The following UBR4 variants were observed in gnomAD, a reference collection of about 807,000 sequenced individuals.
UBR4 encodes the protein ubiquitin protein ligase E3 component n-recognin 4, also known as E3 ubiquitin-protein ligase UBR4.
A neutral mutation model predicts 575.6 loss-of-function variants in UBR4; 124 were observed. The observed-to-expected ratio is 0.22, with a 90% CI of 0.19 to 0.25. UBR4 has a LOEUF of 0.25. UBR4 is among the 10% of genes least tolerant of loss of function. The pLI, the probability that UBR4 is intolerant of heterozygous loss-of-function variation, is 1.00. For missense variants in UBR4, 4,818 were observed against 6,478.8 expected, an observed-to-expected ratio of 0.74 and a Z score of 8.80; for synonymous variants, 2,455 against 2,473.7, an observed-to-expected ratio of 0.99 and a Z score of 0.22.
In UBR4 at chr1:19,110,845, A is replaced by G. The variant is rs748123166; in HGVS notation, c.11802-13T>C. The G allele has an allele frequency of 3.1e-6, 5 of 1,612,356 alleles. No individual in the cohort carries two copies. The highest frequency in any genetic ancestry group is 4.2e-6 in the Non-Finnish European group (5 of 1,178,902). Reference sequence around the variant, plus strand: ...TTCTGGGTTGTCTCTGCAGAAGCAAATAGAAATGGAGTCCTATAATTCACA... The same window carrying G: ...TTCTGGGTTGTCTCTGCAGAAGCAAGTAGAAATGGAGTCCTATAATTCACA... On this transcript the variant is annotated splice_polypyrimidine_tract_variant and intron_variant, in intron 78 of 105. Coordinates refer to ENST00000375254, the MANE Select transcript of UBR4 (RefSeq NM_020765.3). This position sits in a 1 kb window ranked among gnomAD's most constrained non-coding sequence, Gnocchi z 4.5.
intron 18 of UBR4, among the ~76,000 whole-genome samples, chr1:19,178,071 C>A (rs929133541): frequency 6.6e-5 from 10 of 152,140 alleles, no homozygotes; most frequent in Non-Finnish European, 1.5e-4. Flanking sequence ...CAAGCTCCCC[C>A]ACAAAAATGT....
rs763512389 is a variant in UBR4 at position 19,139,093 on chromosome 1, G to A, written c.8721C>T (p.Gly2907=). The stretch of plus-strand genomic sequence containing the variant: ...GCCATGGCACATTACCACTGTGCTC[G>A]CCAGCCACTGAGTCCACTGCACTGC... ...SGGSAVDSVA[G]EHSVSGRSSA... is the part of the protein sequence containing the mutation. Residue 2907 remains glycine, a synonymous_variant, in exon 59 of 106, where the codon GGC becomes GGT. Coordinates refer to ENST00000375254, the MANE Select transcript of UBR4 (RefSeq NM_020765.3). The surrounding 1 kb of genome is among the most constrained non-coding windows in gnomAD (Gnocchi z 4.2). The A allele has an allele frequency of 5.0e-6, 8 of 1,610,538 alleles. No individual in the cohort carries two copies. Among genetic ancestry groups the A allele is most frequent in the Non-Finnish European group, 5.1e-6 (6 of 1,178,660 alleles).
At chr1:19,195,993 C>T (rs887531650) in intron 8 of UBR4, among the ~76,000 whole-genome samples, 2 of 151,066 alleles carry the variant, frequency 1.3e-5, no homozygotes, top group African/African-American at 4.9e-5. Context: ...CACACACACA[C>T]ACACACACAC....
Position 19,128,271 on chromosome 1 carries a change from G to A in UBR4, c.9051C>T (p.Asp3017=), listed in dbSNP as rs370436607. Residue 3017 remains aspartate, a synonymous_variant, in exon 62 of 106, where the codon GAC becomes GAT. Transcript: ENST00000375254. ...TTDLDGEDEK[D]KGALDNLLSQ... ...AGAGCAGGTTGTCTAGGGCCCCCTT[G>A]TCTTTCTCATCTTCTCCATCCAGAT... The A allele has an allele frequency of 6.2e-6, 10 of 1,613,900 alleles. No homozygotes were observed. Among genetic ancestry groups the A allele is most frequent in the African/African-American group, 1.3e-5 (1 of 74,906 alleles).
Position 19,198,488 on chromosome 1 carries a change from T to G in UBR4, c.648+53A>C. The stretch of plus-strand genomic sequence containing the variant: ...TACATCACTTTTTCTCCCCTAGTGT[T>G]ATCATCTTAACAAAACCCACAGAGA... On this transcript the variant is annotated intron_variant, in intron 5 of 105. Coordinates refer to ENST00000375254, the MANE Select transcript of UBR4 (RefSeq NM_020765.3). 5 of 1,584,242 alleles carry G rather than the reference T, an allele frequency of 3.2e-6. No homozygotes were observed. The East Asian group carries it at 1.1e-4, about 36-fold the overall frequency.
Position 19,145,842 on chromosome 1 carries a change from G to C in UBR4, c.7896C>G (p.Leu2632=). ...ITQLVNHFWK[L]HASKPKNAFL... ...AGGCATTCTTGGGTTTGGATGCATG[G>C]AGTTTCCAGAAGTGGTTCACAAGCT... Residue 2632 remains leucine (L), a synonymous_variant, in exon 53 of 106, where the codon CTC becomes CTG. Transcript: ENST00000375254. 2 of 1,614,200 alleles carry C rather than the reference G, an allele frequency of 1.2e-6. No homozygotes were observed. Among genetic ancestry groups the C allele is most frequent in the Non-Finnish European group, 1.7e-6 (2 of 1,180,016 alleles).
chr1:19,106,475 G>A, intron 83 of UBR4, 94 bp downstream of exon 83: 2 of 1,404,636 alleles, frequency 1.4e-6, no homozygotes, highest in Non-Finnish European at 9.4e-7. Flanking sequence ...AAGAAGAGAT[G>A]GCAGTGCAGA....
Position 19,074,841 on chromosome 1 carries a change from T to TCAG in UBR4, c.15542_15543insCTG (p.Ser5181_Val5182insTer), listed in dbSNP as rs1234606213. 1 of 1,614,116 alleles carries TCAG rather than the reference T, an allele frequency of 6.2e-7. No homozygotes were observed. Among genetic ancestry groups the TCAG allele is most frequent in the South Asian group, 1.1e-5 (1 of 91,058 alleles). On this transcript the variant is annotated stop_gained and inframe_insertion, in exon 106 of 106. Coordinates refer to ENST00000375254, the MANE Select transcript of UBR4 (RefSeq NM_020765.3). LOFTEE classifies it high-confidence loss of function. ...AGCTGCTGTGTGGTGGTCAGGGGAC[T>TCAG]GAGTTCAACAGGTCCTTCAGGAAGC... is the stretch of plus-strand genomic sequence containing the variant.
Position 19,117,309 on chromosome 1 carries a change from C to T in UBR4, c.10735G>A (p.Gly3579Arg). Residue 3579 changes from glycine to arginine, a missense_variant, in exon 73 of 106, where the codon GGG becomes AGG. Physicochemically the swap from Gly to Arg is moderately radical, Grantham distance 125. This residue lies in a region of UBR4 where 550 missense variants were observed against 791.5 expected (regional missense o/e 0.69). Transcript: ENST00000375254. This position sits in a 1 kb window ranked among gnomAD's most constrained non-coding sequence, Gnocchi z 4.0. ...ACCATCTTGGTCCGTTTCAGATCCC[C>T]GATTTTCACTGTCACTTTGCTGATG... ...HTISKVTVKI[G>R]DLKRTKMVRT... The T allele has an allele frequency of 6.2e-7, 1 of 1,614,156 alleles. No homozygotes were observed. The highest frequency in any genetic ancestry group is 8.5e-7 in the Non-Finnish European group (1 of 1,180,032).
At position 19,205,471 on chromosome 1, in the gene UBR4, C is replaced by T. The variant is rs574588881; in HGVS notation, c.177-3656G>A. On this transcript the variant is annotated intron_variant, in intron 1 of 105. Coordinates refer to ENST00000375254, the MANE Select transcript of UBR4 (RefSeq NM_020765.3). ...TATATAGAATCCATTATGCTTATTC[C>T]TATCTTTCTATCTATAATCTGCTGC... Among the ~76,000 whole-genome samples the T allele has an allele frequency of 5.9e-4, 90 of 152,208 alleles. 1 individual carries two copies. The highest frequency in any genetic ancestry group is 2.0e-3 in the African/African-American group (85 of 41,528).
At chr1:19,125,322 C>T (rs938471534) in intron 64 of UBR4, among the ~76,000 whole-genome samples, 1 of 152,230 alleles carries the variant, frequency 6.6e-6, no homozygotes, top group African/African-American at 2.4e-5. Flanking sequence ...CTGTATCAAG[C>T]ACTGGAGTTG....
rs2092757242 is a variant in UBR4 at position 19,201,800 on chromosome 1, C to T, written c.192G>A (p.Leu64=). 1 of 1,613,812 alleles carries T rather than the reference C, an allele frequency of 6.2e-7. No individual in the cohort carries two copies. The highest frequency in any genetic ancestry group is 8.5e-7 in the Non-Finnish European group (1 of 1,179,870). The change falls in exon 2 of 106, where the codon CTG becomes CTA. Residue 64 remains leucine (L), a synonymous_variant. Transcript: ENST00000375254. ...ATGGCTCGTACTGCTTCTCATGGTG[C>T]AGGATTTCTGATTCACTGTAAAAAT... ...ASVIESESEI[L]HHEKQYEPFY... is the part of the protein sequence containing the mutation.
intron 90 of UBR4, among the ~76,000 whole-genome samples, chr1:19,098,607 A>T (rs1023880944): frequency 6.6e-6 from 1 of 152,160 alleles, no homozygotes; most frequent in Non-Finnish European, 1.5e-5. Flanking sequence ...ACTGGCTGGG[A>T]CAGTTCTCTG....
At chr1:19,137,157 G>A (rs745768056) in intron 60 of UBR4, among the ~76,000 whole-genome samples, 4 of 151,914 alleles carry the variant, frequency 2.6e-5, no homozygotes, top group South Asian at 2.1e-4. Flanking sequence ...AAAATTGGCC[G>A]GGCGTGGTAC....
chr1:19,210,120 G>T lies in UBR4; in HGVS notation c.129C>A (p.Ala43=). The T allele has an allele frequency of 1.3e-6, 2 of 1,586,464 alleles. No homozygotes were observed. The highest frequency in any genetic ancestry group is 1.1e-5 in the South Asian group (1 of 88,340). ...GCTGCGGCAACTCCTTCATCTCGAA[G>T]GCGGAGTAGGACGCGGACAGCAGGG... ...VRPLLSASYS[A]FEMKELPQLV... The change falls in exon 1 of 106, where the codon GCC becomes GCA. Residue 43 remains alanine (A), a synonymous_variant. Coordinates refer to ENST00000375254, the MANE Select transcript of UBR4 (RefSeq NM_020765.3).
At chr1:19,144,240 G>T (rs1447111599) in intron 54 of UBR4, 149 bp from the exon 55 acceptor site, 2 of 646,598 alleles carry the variant, frequency 3.1e-6, no homozygotes, top group Non-Finnish European at 5.3e-6. Flanking sequence ...AGTTCAGCAG[G>T]TTAAGTTAAT....
At chr1:19,180,618 A>G (rs2090842560) in intron 17 of UBR4, among the ~76,000 whole-genome samples, 1 of 152,006 alleles carries the variant, frequency 6.6e-6, no homozygotes, top group African/African-American at 2.4e-5. Flanking sequence ...AAAAATCAGG[A>G]AAAAAAATCT....
intron 8 of UBR4, among the ~76,000 whole-genome samples, chr1:19,194,585 T>C (rs1450866642): frequency 1.3e-5 from 2 of 151,752 alleles, no homozygotes; most frequent in Admixed American, 1.3e-4. Context: ...GTGGATCACC[T>C]GAGGTCAGGA....
intron 15 of UBR4, 136 bp downstream of exon 15, chr1:19,184,963 A>G: frequency 3.9e-6 from 4 of 1,036,566 alleles, no homozygotes; most frequent in Non-Finnish European, 5.7e-6. Flanking sequence ...TAATCAAGAC[A>G]TATAAGTCCT....
Sources: allele counts gnomAD v4.1 joint callset (sites outside exome capture counted in the v4.1 genomes callset), GRCh38; gene constraint gnomAD v4.1.1; regional missense constraint gnomAD v4.1.1; non-coding constraint Gnocchi (gnomAD v3.1); transcripts MANE v1.5; gene names NCBI Gene and HGNC (gene_info 2026-07-23, HGNC 2026-07-21).